FOCAD: variants seen among roughly 807,000 people sequenced by gnomAD.
The protein encoded by FOCAD is KIAA1797.
In FOCAD, 198 loss-of-function variants were observed where a neutral mutation model predicts 225.6. That is an observed-to-expected ratio of 0.88 (90% CI 0.78 to 0.99). FOCAD has a LOEUF of 0.99. Ranked by LOEUF, FOCAD falls within the 50% of genes least tolerant of loss-of-function variation. FOCAD has a pLI of 0.00. For missense variants in FOCAD, 2,713 were observed against 2,123.6 expected (o/e 1.28, Z -5.46); for synonymous variants, 897 against 755.0 (o/e 1.19, Z -3.08).
At chr9:20,921,234 T>C (rs1364414426) in intron 24 of FOCAD, among the ~76,000 whole-genome samples, 1 of 152,226 alleles carries the variant, frequency 6.6e-6, no homozygotes, top group African/African-American at 2.4e-5. Context: ...TGTAATGTAA[T>C]ACTTTGTCCC....
In FOCAD at chr9:20,751,793, A is replaced by G. The variant is rs1453346310; in HGVS notation, c.393-6297A>G. Among the ~76,000 whole-genome samples, 500 of 148,302 alleles carry G rather than the reference A, an allele frequency of 3.4e-3. 3 individuals are homozygous for G. The highest frequency in any genetic ancestry group is 0.012 in the African/African-American group (475 of 40,714). On this transcript the variant is annotated intron_variant, in intron 5 of 43. Coordinates refer to ENST00000338382, the MANE Select transcript of FOCAD (RefSeq NM_001375567.1). Reference sequence around the variant, plus strand: ...CCACCAACAGTGTAAAAGTGTTCCTATTACTCCACATCCTCTCCAGCACCT... The same window carrying G: ...CCACCAACAGTGTAAAAGTGTTCCTGTTACTCCACATCCTCTCCAGCACCT...
intron 26 of FOCAD, among the ~76,000 whole-genome samples, chr9:20,927,051 A>G (rs991618217): frequency 6.6e-6 from 1 of 151,642 alleles, no homozygotes; most frequent in Non-Finnish European, 1.5e-5. Context: ...AGAAATACCA[A>G]TGTGTAGTCC....
At chr9:20,807,656 C>T (rs1822603504) in intron 11 of FOCAD, among the ~76,000 whole-genome samples, 1 of 152,160 alleles carries the variant, frequency 6.6e-6, no homozygotes, top group African/African-American at 2.4e-5. Context: ...ATTTCAAATG[C>T]TCAGTGGCCA....
At chr9:20,783,688 C>T (rs145309765) in intron 10 of FOCAD, among the ~76,000 whole-genome samples, 3 of 150,996 alleles carry the variant, frequency 2.0e-5, no homozygotes, top group African/African-American at 7.3e-5. Flanking sequence ...CTATTTCATT[C>T]TCCCCAGGCA....
chr9:20,683,444 G>C (rs1822468517), upstream of FOCAD: 1 of 151,906 alleles, frequency 6.6e-6, no homozygotes, highest in South Asian at 2.1e-4. Flanking sequence ...ATTCCACTCC[G>C]TCATACCAGT....
intron 28 of FOCAD, among the ~76,000 whole-genome samples, chr9:20,940,793 G>A (rs938032736): frequency 8.5e-5 from 13 of 152,204 alleles, no homozygotes; most frequent in African/African-American, 2.9e-4. Flanking sequence ...TGCTTAATAA[G>A]TGGCAGAGCC....
chr9:20,955,641 G>C (rs1838069906), intron 35 of FOCAD, among the ~76,000 whole-genome samples: 1 of 150,234 alleles, frequency 6.7e-6, no homozygotes, highest in Admixed American at 6.7e-5. Flanking sequence ...CTGTTCTTGT[G>C]AACATTTCTT....
chr9:20,777,143 A>T (rs1211080260), intron 8 of FOCAD, among the ~76,000 whole-genome samples: 1 of 151,678 alleles, frequency 6.6e-6, no homozygotes, highest in African/African-American at 2.4e-5. Flanking sequence ...GGTTAATTTC[A>T]CTCTTCAAAT....
At chr9:20,978,234 C>G (rs1007307368) in intron 36 of FOCAD, 105 bp from the exon 37 acceptor site, 10 of 643,028 alleles carry the variant, frequency 1.6e-5, no homozygotes, top group Non-Finnish European at 2.3e-5. Context: ...GTTCTGTTAC[C>G]TGCAAAAGTC....
At chr9:20,755,340 C>G (rs1416081928) in intron 5 of FOCAD, among the ~76,000 whole-genome samples, 2 of 152,200 alleles carry the variant, frequency 1.3e-5, no homozygotes, top group African/African-American at 2.4e-5. Context: ...AATCCAATAG[C>G]TAGCAAAACA....
At chr9:20,842,302 T>C (rs898423193) in intron 15 of FOCAD, among the ~76,000 whole-genome samples, 3 of 151,914 alleles carry the variant, frequency 2.0e-5, no homozygotes, top group Non-Finnish European at 4.4e-5. Context: ...TTGTTGACTT[T>C]CTGTCTGGAT....
intron 5 of FOCAD, among the ~76,000 whole-genome samples, chr9:20,755,475 C>T (rs1420546191): frequency 6.6e-6 from 1 of 152,004 alleles, no homozygotes; most frequent in Non-Finnish European, 1.5e-5. Flanking sequence ...TTTCTGTTGA[C>T]CTGATTCAAT....
intron 4 of FOCAD, among the ~76,000 whole-genome samples, chr9:20,731,152 C>G (rs1425362651): frequency 2.0e-5 from 3 of 152,060 alleles, no homozygotes; most frequent in Non-Finnish European, 2.9e-5. Context: ...GCAGGAGAAT[C>G]TCTCGAACCC....
intron 2 of FOCAD, chr9:20,716,192 C>T (rs746934757): frequency 6.5e-6 from 3 of 459,326 alleles, no homozygotes; most frequent in Non-Finnish European, 1.4e-5. Flanking sequence ...GGGTTGGAGT[C>T]ATATCCTGCA....
intron 35 of FOCAD, among the ~76,000 whole-genome samples, chr9:20,973,628 A>G (rs1839963862): frequency 7.0e-6 from 1 of 142,654 alleles, no homozygotes; most frequent in African/African-American, 2.6e-5. Flanking sequence ...AGCATCTGCT[A>G]ATTTGGCCTC....
At position 20,789,633 on chromosome 9, in the gene FOCAD, A is replaced by G. The variant is rs924341727; in HGVS notation, c.1455+25A>G. On this transcript the variant is annotated intron_variant, in intron 11 of 43. Coordinates refer to ENST00000338382, the MANE Select transcript of FOCAD (RefSeq NM_001375567.1). ...GGTAAAGCAAGAGAATAATGGAACA[A>G]TAATGAGAGGAAAGCTTAATCATTG... is the stretch of plus-strand genomic sequence containing the variant. The G allele has an allele frequency of 3.1e-6, 5 of 1,610,558 alleles. No individual in the cohort carries two copies. In the Admixed American group the frequency reaches 5.0e-5, roughly 16 times the overall value.
chr9:20,716,274 G>C (rs1825326702), intron 2 of FOCAD: 2 of 324,504 alleles, frequency 6.2e-6, no homozygotes, highest in South Asian at 3.0e-5. Flanking sequence ...TGTGCCTGGA[G>C]TCTCTTTGTT....
chr9:20,941,329 C>T (rs1480659672), intron 28 of FOCAD, among the ~76,000 whole-genome samples: 1 of 152,198 alleles, frequency 6.6e-6, no homozygotes, highest in Non-Finnish European at 1.5e-5. Context: ...GTCATGCAGT[C>T]ATCAATGACC....
chr9:20,769,478 C>G (rs1817964934), intron 7 of FOCAD, among the ~76,000 whole-genome samples: 1 of 152,318 alleles, frequency 6.6e-6, no homozygotes, highest in East Asian at 1.9e-4. Context: ...CACCCAGGTC[C>G]TTCCTATCTA....
Sources: gnomAD v4.1 joint callset for allele counts (sites outside exome capture counted in the v4.1 genomes callset) on GRCh38, gnomAD v4.1.1 for gene constraint, MANE v1.5 for transcripts, NCBI Gene and HGNC (gene_info 2026-07-23, HGNC 2026-07-21) for gene names.